FAM13A: variants seen among roughly 807,000 people sequenced by gnomAD.
The protein encoded by FAM13A is protein FAM13A.
A neutral mutation model predicts 129.6 loss-of-function variants in FAM13A; 76 were observed. The ratio of observed to expected loss-of-function variants is 0.59; its 90% CI spans 0.49 to 0.71. The LOEUF (loss-of-function observed/expected upper bound fraction) is 0.71. FAM13A is among the 30% of genes least tolerant of loss of function. FAM13A has a pLI of 0.00. For missense variants in FAM13A, 1,108 were observed against 1,249.3 expected (o/e 0.89, Z 1.70); for synonymous variants, 443 against 449.9 (o/e 0.98, Z 0.20).
At chr4:88,793,795 T>G (rs1281510450) in intron 8 of FAM13A, among the ~76,000 whole-genome samples, 2 of 152,038 alleles carry the variant, frequency 1.3e-5, no homozygotes, top group African/African-American at 4.8e-5. Flanking sequence ...CATATTTAGT[T>G]TTATGACATA....
At position 88,836,785 on chromosome 4, in the gene FAM13A, C is replaced by G. The variant is rs543466036; in HGVS notation, c.1007+14235G>C. Among the ~76,000 whole-genome samples, 392 of 151,846 alleles carry G rather than the reference C, an allele frequency of 2.6e-3. 1 individual carries two copies. Among genetic ancestry groups the G allele is most frequent in the Non-Finnish European group, 4.9e-3 (334 of 67,912 alleles). ...GACCAGCCTGACCAACATGGTGAAA[C>G]CCCGTCTCTACTAAAAATACAACAA... On this transcript the variant is annotated intron_variant, in intron 7 of 23. Coordinates refer to ENST00000264344, the MANE Select transcript of FAM13A (RefSeq NM_014883.4).
At chr4:88,907,676 C>T (rs958943569) in intron 5 of FAM13A, among the ~76,000 whole-genome samples, 1 of 152,120 alleles carries the variant, frequency 6.6e-6, no homozygotes, top group Non-Finnish European at 1.5e-5. Flanking sequence ...TGCAGGCTTA[C>T]AGAAGTTAAG....
chr4:89,053,513 C>T (rs983429416), intron 1 of FAM13A, among the ~76,000 whole-genome samples: 6 of 152,146 alleles, frequency 3.9e-5, no homozygotes, highest in South Asian at 4.2e-4. Context: ...TTCTGTAACG[C>T]GACTGTACGT....
chr4:88,846,959 G>T (rs1736753022), intron 7 of FAM13A, among the ~76,000 whole-genome samples: 1 of 152,126 alleles, frequency 6.6e-6, no homozygotes, highest in Admixed American at 6.5e-5. Flanking sequence ...ATTACGTTAT[G>T]TTACACTTTT....
intron 9 of FAM13A, among the ~76,000 whole-genome samples, chr4:88,789,704 A>G (rs905589650): frequency 6.6e-6 from 1 of 152,204 alleles, no homozygotes; most frequent in Admixed American, 6.6e-5. Flanking sequence ...TAAAGAAATA[A>G]TGTAATTTCC....
chr4:89,030,066 CTTTAA>C (rs1002689689), intron 1 of FAM13A, among the ~76,000 whole-genome samples: 4 of 151,352 alleles, frequency 2.6e-5, no homozygotes, highest in Non-Finnish European at 2.9e-5. Context: ...TTTAAGGTAG[CTTTAA>C]TTTAAAGTGT....
At chr4:88,767,655 TC>T in intron 12 of FAM13A, 60 bp from the exon 13 acceptor site, 1 of 1,281,024 alleles carries the variant, frequency 7.8e-7, no homozygotes, top group Non-Finnish European at 1.1e-6. Context: ...ATAACGTTTT[TC>T]ATCCACTGAT....
chr4:88,842,675 C>T (rs183795482), intron 7 of FAM13A, among the ~76,000 whole-genome samples: 6 of 152,298 alleles, frequency 3.9e-5, no homozygotes, highest in African/African-American at 1.4e-4. Context: ...AAAATAAATT[C>T]AGCTAAGATC....
rs1736387448 is a variant in FAM13A at position 88,726,024 on chromosome 4, T to G, written c.*2509A>C. ...CTTATGAAATAACTCTTGACATTTA[T>G]TTTGTTGGCATGTGCTAATTAATAA... On this transcript the variant is annotated 3_prime_UTR_variant, in exon 24 of 24. Coordinates refer to ENST00000264344, the MANE Select transcript of FAM13A (RefSeq NM_014883.4). 6.6e-6 allele frequency: 1 copy of G among 152,248 alleles called. No homozygotes were observed. Among genetic ancestry groups the G allele is most frequent in the Admixed American group, 6.5e-5 (1 of 15,284 alleles). The allele number at this position is 152,248 out of a possible 1,614,324, so 9.4% of individuals were successfully genotyped here.
At chr4:89,045,407 T>A (rs1208428113) in intron 1 of FAM13A, among the ~76,000 whole-genome samples, 1 of 152,204 alleles carries the variant, frequency 6.6e-6, no homozygotes, top group Non-Finnish European at 1.5e-5. Context: ...TGCCACTTTA[T>A]GCCCCATTTC....
chr4:88,906,165 T>G (rs1748123127), intron 6 of FAM13A, among the ~76,000 whole-genome samples: 1 of 152,016 alleles, frequency 6.6e-6, no homozygotes, highest in Non-Finnish European at 1.5e-5. Context: ...GTGCGCACCT[T>G]TAGTCCGAGC....
At chr4:88,794,917 T>C (rs1439509292) in intron 8 of FAM13A, among the ~76,000 whole-genome samples, 1 of 151,882 alleles carries the variant, frequency 6.6e-6, no homozygotes, top group Non-Finnish European at 1.5e-5. Flanking sequence ...ACATTATACA[T>C]ATATAACAAT....
chr4:88,945,910 CTA>C (rs1377616142), intron 4 of FAM13A, among the ~76,000 whole-genome samples: 8 of 120,602 alleles, frequency 6.6e-5, no homozygotes, highest in African/African-American at 2.3e-4. Flanking sequence ...TATACACAGA[CTA>C]TATATATATA....
intron 9 of FAM13A, 131 bp downstream of exon 9, chr4:88,790,455 C>T: frequency 1.4e-6 from 1 of 731,172 alleles, no homozygotes. Flanking sequence ...TTAAAAGTCA[C>T]TGGCTGCTTA....
intron 7 of FAM13A, among the ~76,000 whole-genome samples, chr4:88,846,270 T>G (rs1434703477): frequency 1.3e-5 from 2 of 152,236 alleles, no homozygotes; most frequent in Non-Finnish European, 2.9e-5. Context: ...AACTATGATT[T>G]TTTATGAAAT....
chr4:88,994,656 A>T (rs6819725), intron 3 of FAM13A, among the ~76,000 whole-genome samples: 102,593 of 151,966 alleles, frequency 0.68, 34,679 homozygotes, highest in Middle Eastern at 0.79. Context: ...CCTGGGCAAC[A>T]TAGCGAAACC....
intron 21 of FAM13A, among the ~76,000 whole-genome samples, chr4:88,734,718 G>A (rs1738620019): frequency 6.6e-6 from 1 of 152,208 alleles, no homozygotes; most frequent in Non-Finnish European, 1.5e-5. Flanking sequence ...CCTCTAGTAG[G>A]TGGAGGCCAG....
chr4:89,013,604 AT>A (rs1366337114), intron 3 of FAM13A, among the ~76,000 whole-genome samples: 1 of 152,146 alleles, frequency 6.6e-6, no homozygotes, highest in Non-Finnish European at 1.5e-5. Flanking sequence ...CAGTGATGTC[AT>A]AGCCATCATA....
intron 4 of FAM13A, among the ~76,000 whole-genome samples, chr4:88,983,538 T>C (rs1028820030): frequency 6.6e-6 from 1 of 152,030 alleles, no homozygotes; most frequent in Non-Finnish European, 1.5e-5. Context: ...GAGAAAACAA[T>C]TACATCTAGA....
Sources: gnomAD v4.1 joint callset for allele counts (sites outside exome capture counted in the v4.1 genomes callset) on GRCh38, gnomAD v4.1.1 for gene constraint, MANE v1.5 for transcripts, NCBI Gene and HGNC (gene_info 2026-07-23, HGNC 2026-07-21) for gene names.